The following DPYD variants were observed in gnomAD, a reference collection of about 807,000 sequenced individuals.
DPYD encodes dihydropyrimidine dehydrogenase.
In DPYD, 109 loss-of-function variants were observed where a neutral mutation model predicts 116.2. The ratio of observed to expected loss-of-function variants is 0.94; its 90% confidence interval spans 0.80 to 1.10. The LOEUF is 1.10. Ranked by LOEUF, DPYD falls within the 50% of genes least tolerant of loss-of-function variation. The pLI is 0.00. For missense variants in DPYD, 1,302 were observed against 1,254.5 expected (o/e 1.04, Z -0.57); for synonymous variants, 440 against 432.0 (o/e 1.02, Z -0.23).
chr1:97,485,439 T>G (rs1485770220), intron 13 of DPYD, among the ~76,000 whole-genome samples: 1 of 152,164 alleles, frequency 6.6e-6, no homozygotes, highest in Non-Finnish European at 1.5e-5. Context: ...TGAGCTCAGG[T>G]GATCCACCCA....
intron 14 of DPYD, among the ~76,000 whole-genome samples, chr1:97,386,020 A>T (rs1227268382): frequency 6.6e-6 from 1 of 152,100 alleles, no homozygotes; most frequent in Non-Finnish European, 1.5e-5. Flanking sequence ...ACATTGCGAG[A>T]ATCATGCCAC....
At chr1:97,186,444 C>G (rs11165805) in intron 20 of DPYD, among the ~76,000 whole-genome samples, 20,706 of 152,122 alleles carry the variant, frequency 0.14, 1,657 homozygotes, top group East Asian at 0.28. Flanking sequence ...TTTTGAGACT[C>G]CAATGACTAT....
intron 19 of DPYD, among the ~76,000 whole-genome samples, chr1:97,199,143 T>C (rs1026283686): frequency 6.6e-6 from 1 of 152,208 alleles, no homozygotes; most frequent in Admixed American, 6.5e-5. Flanking sequence ...TACCTATTTA[T>C]GGAGATTTAC....
intron 3 of DPYD, among the ~76,000 whole-genome samples, 179 bp downstream of exon 3, chr1:97,827,935 T>C (rs1223333113): frequency 2.0e-5 from 3 of 152,196 alleles, no homozygotes; most frequent in Non-Finnish European, 4.4e-5. Context: ...CACTGAGGCT[T>C]AACATTTATG....
intron 18 of DPYD, among the ~76,000 whole-genome samples, chr1:97,299,754 G>T (rs908408474): frequency 3.9e-5 from 6 of 152,052 alleles, no homozygotes; most frequent in African/African-American, 1.4e-4. Flanking sequence ...CTGCTTTGTT[G>T]CCATGAAGCA....
At chr1:97,500,639 A>T (rs1398925795) in intron 13 of DPYD, among the ~76,000 whole-genome samples, 7 of 152,040 alleles carry the variant, frequency 4.6e-5, no homozygotes, top group African/African-American at 1.7e-4. Context: ...ATCAGAGGTG[A>T]TACATGCCAC....
At chr1:97,372,818 A>G (rs1020407753) in intron 16 of DPYD, among the ~76,000 whole-genome samples, 3 of 152,152 alleles carry the variant, frequency 2.0e-5, no homozygotes, top group Admixed American at 2.0e-4. Context: ...ACTTTCCAGG[A>G]CTAGACAATC....
chr1:97,445,509 A>C (rs1242232647), intron 14 of DPYD, among the ~76,000 whole-genome samples: 5 of 152,070 alleles, frequency 3.3e-5, no homozygotes, highest in Non-Finnish European at 7.4e-5. Flanking sequence ...CCCATAACCT[A>C]ATATGTAACT....
At chr1:97,470,439 A>G (rs956373709) in intron 13 of DPYD, among the ~76,000 whole-genome samples, 1 of 152,236 alleles carries the variant, frequency 6.6e-6, no homozygotes, top group African/African-American at 2.4e-5. Flanking sequence ...GTGGCACAAT[A>G]CAAATGATTA....
intron 3 of DPYD, among the ~76,000 whole-genome samples, chr1:97,824,197 C>A (rs1669113666): frequency 1.3e-5 from 2 of 152,054 alleles, no homozygotes; most frequent in African/African-American, 4.8e-5. Flanking sequence ...ATAAGAGCTA[C>A]CTTGTCTCCT....
chr1:97,725,644 C>T (rs1449599236), intron 4 of DPYD, among the ~76,000 whole-genome samples: 1 of 151,596 alleles, frequency 6.6e-6, no homozygotes, highest in African/African-American at 2.4e-5. Context: ...AAAGCCTTCA[C>T]ATTTATGTTC....
At chr1:97,518,405 C>T (rs985630072) in intron 12 of DPYD, among the ~76,000 whole-genome samples, 2 of 152,168 alleles carry the variant, frequency 1.3e-5, no homozygotes, top group East Asian at 1.9e-4. Context: ...TCAGCTTCAT[C>T]ATATATCCAA....
chr1:97,850,740 A>G (rs1007386239), intron 2 of DPYD, among the ~76,000 whole-genome samples: 2 of 136,142 alleles, frequency 1.5e-5, no homozygotes, highest in Non-Finnish European at 3.2e-5. Flanking sequence ...ATTTTTTCCA[A>G]CTTAATTTGA....
intron 13 of DPYD, among the ~76,000 whole-genome samples, chr1:97,460,705 C>G (rs938178517): frequency 6.6e-6 from 1 of 152,148 alleles, no homozygotes; most frequent in African/African-American, 2.4e-5. Context: ...AACTCCTTCC[C>G]TGGAATCTAC....
chr1:97,647,704 C>T (rs1658350090), intron 8 of DPYD, among the ~76,000 whole-genome samples: 1 of 151,868 alleles, frequency 6.6e-6, no homozygotes, highest in Non-Finnish European at 1.5e-5. Flanking sequence ...TGCATAGTAT[C>T]TTTGTATAAT....
intron 13 of DPYD, among the ~76,000 whole-genome samples, chr1:97,501,207 T>A (rs187967049): frequency 7.2e-5 from 11 of 152,226 alleles, no homozygotes; most frequent in Non-Finnish European, 1.6e-4. Context: ...ACTTGTCTTT[T>A]ATTTAATACC....
intron 2 of DPYD, among the ~76,000 whole-genome samples, chr1:97,870,377 A>T (rs1278940800): frequency 6.6e-6 from 1 of 151,870 alleles, no homozygotes; most frequent in Non-Finnish European, 1.5e-5. Flanking sequence ...TGCAGTTAGG[A>T]TGTGTGGATC....
intron 8 of DPYD, among the ~76,000 whole-genome samples, chr1:97,643,066 A>C (rs1490076081): frequency 6.6e-6 from 1 of 152,100 alleles, no homozygotes; most frequent in Non-Finnish European, 1.5e-5. Context: ...CAATGGCAAC[A>C]AAACCCAAAA....
intron 2 of DPYD, among the ~76,000 whole-genome samples, chr1:97,849,656 T>C (rs1670477669): frequency 6.6e-6 from 1 of 152,168 alleles, no homozygotes; most frequent in South Asian, 2.1e-4. Flanking sequence ...AAGAACTGTA[T>C]TATCTTTCAT....
Sources: gnomAD v4.1 joint callset for allele counts (sites outside exome capture counted in the v4.1 genomes callset) on GRCh38, gnomAD v4.1.1 for gene constraint, MANE v1.5 for transcripts, NCBI Gene and HGNC (gene_info 2026-07-23, HGNC 2026-07-21) for gene names.